XIRP2: variants seen among roughly 807,000 people sequenced by gnomAD.
XIRP2 encodes the protein xin actin binding repeat containing 2.
Under a neutral mutation model 277.0 loss-of-function variants are expected in XIRP2, and 236 were observed. That is an observed-to-expected ratio of 0.85 (90% CI 0.77 to 0.95). The LOEUF (loss-of-function observed/expected upper bound fraction) is 0.95. Among genes scored for constraint, XIRP2 ranks in the 40% least tolerant of loss-of-function variants. The pLI is 0.00. For synonymous variants in XIRP2, 1,490 were observed against 1,416.5 expected (o/e 1.05, Z -1.17); for missense variants, 4,640 against 4,157.5 (o/e 1.12, Z -3.19).
intron 3 of XIRP2, among the ~76,000 whole-genome samples, chr2:167,171,414 G>A (rs1246698115): frequency 6.6e-6 from 1 of 152,014 alleles, no homozygotes; most frequent in Non-Finnish European, 1.5e-5. Flanking sequence ...TATTGTTACT[G>A]ATTTCTAATT....
At chr2:167,138,836 CG>C (rs1691631247) in intron 3 of XIRP2, among the ~76,000 whole-genome samples, 1 of 152,118 alleles carries the variant, frequency 6.6e-6, no homozygotes, top group South Asian at 2.1e-4. Context: ...GAGGCCAAGG[CG>C]GGCGAATCAC....
At chr2:167,126,646 G>A (rs1213638211) in intron 2 of XIRP2, among the ~76,000 whole-genome samples, 2 of 152,086 alleles carry the variant, frequency 1.3e-5, no homozygotes, top group South Asian at 2.1e-4. Context: ...AGATCTTCTG[G>A]GAAAACTGCC....
intron 2 of XIRP2, among the ~76,000 whole-genome samples, chr2:167,006,973 T>G (rs1447505599): frequency 6.6e-6 from 1 of 151,678 alleles, no homozygotes. Context: ...AAGACTTCAA[T>G]GGATTGCAGA....
chr2:167,026,114 A>G (rs1178820612), intron 2 of XIRP2, among the ~76,000 whole-genome samples: 1 of 152,058 alleles, frequency 6.6e-6, no homozygotes, highest in Non-Finnish European at 1.5e-5. Context: ...GTCACTCAGG[A>G]CTTGCTTTAT....
intron 2 of XIRP2, among the ~76,000 whole-genome samples, chr2:166,931,309 C>T (rs1187659964): frequency 6.6e-6 from 1 of 152,148 alleles, no homozygotes; most frequent in Non-Finnish European, 1.5e-5. Context: ...GAGATGTACA[C>T]ATTTCATGTG....
At chr2:167,047,639 A>T (rs1353464898) in intron 2 of XIRP2, among the ~76,000 whole-genome samples, 1 of 152,014 alleles carries the variant, frequency 6.6e-6, no homozygotes, top group Non-Finnish European at 1.5e-5. Flanking sequence ...CCTATTAGAC[A>T]ATAATATTTA....
At chr2:166,971,622 A>G (rs551671362) in intron 2 of XIRP2, among the ~76,000 whole-genome samples, 1 of 152,224 alleles carries the variant, frequency 6.6e-6, no homozygotes, top group East Asian at 1.9e-4. Flanking sequence ...TACTGATATC[A>G]TGACTTTTTT....
chr2:167,259,678 T>A lies in XIRP2; in HGVS notation c.*1861T>A, dbSNP rs1695790267. ...ATGGGTGTGATTTTTATACTGCTGCTGCTTGTCACAATTATTATAACTTCT... is the reference window on the plus strand; with the variant it reads ...ATGGGTGTGATTTTTATACTGCTGCAGCTTGTCACAATTATTATAACTTCT... On this transcript the variant is annotated 3_prime_UTR_variant, in exon 11 of 11. Coordinates refer to ENST00000409195, the MANE Select transcript of XIRP2 (RefSeq NM_152381.6). The A allele has an allele frequency of 4.2e-6, 1 of 239,710 alleles. No individual in the cohort carries two copies. Among genetic ancestry groups the A allele is most frequent in the East Asian group, 9.7e-5 (1 of 10,360 alleles). The allele number at this position is 239,710 out of a possible 1,614,324, so 14.8% of individuals were successfully genotyped here.
chr2:167,186,626 G>GGTTT (rs932314598), intron 3 of XIRP2, among the ~76,000 whole-genome samples: 1 of 152,052 alleles, frequency 6.6e-6, no homozygotes, highest in Non-Finnish European at 1.5e-5. Context: ...GCATGTGTTT[G>GGTTT]GTAAGTCCTG....
At chr2:167,023,328 T>G (rs1160960343) in intron 2 of XIRP2, among the ~76,000 whole-genome samples, 1 of 152,146 alleles carries the variant, frequency 6.6e-6, no homozygotes, top group African/African-American at 2.4e-5. Flanking sequence ...TAAATTTGTT[T>G]GAGTTCATTA....
At chr2:167,088,924 T>C (rs1237868637) in intron 2 of XIRP2, among the ~76,000 whole-genome samples, 2 of 152,162 alleles carry the variant, frequency 1.3e-5, no homozygotes, top group African/African-American at 2.4e-5. Flanking sequence ...ATTCTCTGTC[T>C]TCCCTACTAG....
At chr2:167,204,092 A>T (rs891635896) in intron 3 of XIRP2, among the ~76,000 whole-genome samples, 3 of 152,288 alleles carry the variant, frequency 2.0e-5, no homozygotes, top group South Asian at 4.1e-4. Flanking sequence ...TCAGCTTTGC[A>T]GGCTTCCATG....
At chr2:167,027,268 T>A (rs556304058) in intron 2 of XIRP2, among the ~76,000 whole-genome samples, 3 of 152,292 alleles carry the variant, frequency 2.0e-5, no homozygotes, top group Non-Finnish European at 2.9e-5. Context: ...CTTCCATCAC[T>A]GATACCCTTT....
chr2:167,201,188 GAGAAAGAAAGAA>G (rs58329001), intron 3 of XIRP2, among the ~76,000 whole-genome samples: 13,569 of 79,240 alleles, frequency 0.17, 1,475 homozygotes, highest in Non-Finnish European at 0.2. Context: ...AAGAGAGAGA[GAGAAAGAAAGAA>G]AGAAAGAAAG....
chr2:166,928,111 C>A (rs1685238254), intron 2 of XIRP2, among the ~76,000 whole-genome samples: 1 of 152,116 alleles, frequency 6.6e-6, no homozygotes, highest in African/African-American at 2.4e-5. Flanking sequence ...GAAGATAATC[C>A]TTTTGCCTAT....
chr2:167,200,166 A>G (rs1401708207), intron 3 of XIRP2, among the ~76,000 whole-genome samples: 1 of 152,196 alleles, frequency 6.6e-6, no homozygotes, highest in Non-Finnish European at 1.5e-5. Context: ...TTTTCAACAC[A>G]TGGGTACTAA....
At chr2:167,188,269 C>T (rs189111468) in intron 3 of XIRP2, among the ~76,000 whole-genome samples, 21 of 152,158 alleles carry the variant, frequency 1.4e-4, no homozygotes, top group Non-Finnish European at 2.4e-4. Context: ...TTGGTCCTGT[C>T]GGGCCTTAAA....
chr2:166,999,515 C>T (rs1422201729), intron 2 of XIRP2, among the ~76,000 whole-genome samples: 2 of 152,008 alleles, frequency 1.3e-5, no homozygotes, highest in African/African-American at 2.4e-5. Flanking sequence ...GTACATGCAA[C>T]GTACATCCAT....
chr2:167,114,985 G>A (rs890576499), intron 2 of XIRP2, among the ~76,000 whole-genome samples: 1 of 152,106 alleles, frequency 6.6e-6, no homozygotes, highest in Non-Finnish European at 1.5e-5. Context: ...GGGTCAAATG[G>A]TATTTCTAGT....
Sources: allele counts gnomAD v4.1 joint callset (sites outside exome capture counted in the v4.1 genomes callset), GRCh38; gene constraint gnomAD v4.1.1; transcripts MANE v1.5; gene names NCBI Gene and HGNC (gene_info 2026-07-23, HGNC 2026-07-21).